Variants in ATL2 observed in about 807,000 individuals in gnomAD.
ATL2 encodes the protein atlastin-2.
ATL2 carries 31 observed loss-of-function variants against 73.9 expected under a neutral mutation model. The observed-to-expected ratio is 0.42, with a 90% CI of 0.32 to 0.57. The LOEUF is 0.57. ATL2 is among the 20% of genes least tolerant of loss of function. ATL2 has a pLI of 0.14. For synonymous variants in ATL2, 291 were observed against 237.5 expected (o/e 1.23, Z -2.07); for missense variants, 738 against 702.6 (o/e 1.05, Z -0.57).
chr2:38,316,130 C>CCGAAGAGA (rs1668013924), intron 4 of ATL2, among the ~76,000 whole-genome samples: 1 of 152,188 alleles, frequency 6.6e-6, no homozygotes, highest in Admixed American at 6.5e-5. Flanking sequence ...CAGGGTGACT[C>CCGAAGAGA]CGAAGAGAGA....
chr2:38,314,722 T>A, intron 5 of ATL2, 58 bp from the exon 6 acceptor site: 1 of 1,144,278 alleles, frequency 8.7e-7, no homozygotes, highest in Non-Finnish European at 1.3e-6. Flanking sequence ...AAGACATGTG[T>A]AAACCTGTTC....
At chr2:38,347,072 T>C (rs577247940) in intron 1 of ATL2, among the ~76,000 whole-genome samples, 78 of 152,348 alleles carry the variant, frequency 5.1e-4, no homozygotes, top group Admixed American at 1.3e-3. Flanking sequence ...TGAATATTTA[T>C]GTAAGTACTT....
intron 9 of ATL2, among the ~76,000 whole-genome samples, chr2:38,301,917 G>C (rs1233610856): frequency 1.3e-5 from 2 of 152,196 alleles, no homozygotes; most frequent in African/African-American, 2.4e-5. Flanking sequence ...ACAGCTCTGA[G>C]AGAGAGTCTT....
Position 38,298,403 on chromosome 2 carries a change from T to C in ATL2, c.1373A>G (p.Asn458Ser). 1 of 1,614,178 alleles carries C rather than the reference T, an allele frequency of 6.2e-7. No homozygotes were observed. The highest frequency in any genetic ancestry group is 8.5e-7 in the Non-Finnish European group (1 of 1,180,020). Residue 458 changes from asparagine (N) to serine (S), a missense_variant, in exon 12 of 13, where the codon AAT (asparagine) becomes AGT (serine). Physicochemically the swap from Asn to Ser is conservative, Grantham distance 46. Transcript: ENST00000378954. ...TTTGCCATCATTGTGCTTTATAAAA[T>C]TTGCATAGGTTTCTTCAATTTCAGC... ...LEAEIEETYA[N>S]FIKHNDGKNI...
intron 2 of ATL2, among the ~76,000 whole-genome samples, chr2:38,339,548 C>G (rs1410995196): frequency 1.3e-5 from 2 of 151,830 alleles, no homozygotes; most frequent in African/African-American, 4.8e-5. Flanking sequence ...AAAAATATGA[C>G]CTCTAATATT....
chr2:38,318,867 G>T lies in ATL2; in HGVS notation c.498+18C>A, dbSNP rs749990698. 4 of 1,609,000 alleles carry T rather than the reference G, an allele frequency of 2.5e-6. No individual in the cohort carries two copies. Among genetic ancestry groups the T allele is most frequent in the Non-Finnish European group, 8.5e-7 (1 of 1,177,978 alleles). On this transcript the variant is annotated intron_variant, in intron 3 of 12. Transcript: ENST00000378954. The stretch of plus-strand genomic sequence containing the variant: ...CCAAGAAAGAATACAGGGTAGAAAA[G>T]TATAAACAGAATTTTACTTTAGTTC...
intron 1 of ATL2, among the ~76,000 whole-genome samples, chr2:38,355,861 A>C (rs1670631864): frequency 6.6e-6 from 1 of 151,480 alleles, no homozygotes; most frequent in African/African-American, 2.4e-5. Context: ...CACCACGCCT[A>C]ATTTTTGTAT....
chr2:38,347,072 T>G (rs577247940), intron 1 of ATL2, among the ~76,000 whole-genome samples: 1 of 152,230 alleles, frequency 6.6e-6, no homozygotes, highest in African/African-American at 2.4e-5. Flanking sequence ...TGAATATTTA[T>G]GTAAGTACTT....
In ATL2 at chr2:38,295,955, GA is replaced by G. The variant is rs3217584; in HGVS notation, c.*38del. On this transcript the variant is annotated 3_prime_UTR_variant, in exon 13 of 13. Coordinates refer to ENST00000378954, the MANE Select transcript of ATL2 (RefSeq NM_001135673.4). ...TGAGTTCTCATTGTACAGCAAGCAT[GA>G]AAAAAAAAGAGAGTGGAGTCCGTGA... The G allele has an allele frequency of 3.1e-4, 433 of 1,405,772 alleles. 1 individual carries two copies. The highest frequency in any genetic ancestry group is 2.4e-3 in the African/African-American group (165 of 69,018). The allele number at this position is 1,405,772 out of a possible 1,614,324, so 87.1% of individuals were successfully genotyped here.
intron 8 of ATL2, 134 bp downstream of exon 8, chr2:38,310,175 C>A: frequency 2.0e-6 from 2 of 1,023,362 alleles, no homozygotes; most frequent in Non-Finnish European, 2.8e-6. Context: ...CAGAGCATTA[C>A]AACCACAACA....
intron 2 of ATL2, among the ~76,000 whole-genome samples, chr2:38,331,857 A>G (rs1669016217): frequency 6.6e-6 from 1 of 151,786 alleles, no homozygotes; most frequent in Admixed American, 6.6e-5. Flanking sequence ...AATATATTTT[A>G]TGTAATTAAC....
At chr2:38,320,432 A>G (rs375286575) in intron 2 of ATL2, among the ~76,000 whole-genome samples, 8 of 152,262 alleles carry the variant, frequency 5.3e-5, no homozygotes, top group East Asian at 1.9e-4. Flanking sequence ...CAAAATGTTG[A>G]CAAATACATT....
intron 1 of ATL2, among the ~76,000 whole-genome samples, chr2:38,354,972 GAAC>G (rs1425078027): frequency 3.9e-5 from 6 of 151,944 alleles, no homozygotes; most frequent in Non-Finnish European, 7.4e-5. Context: ...TAAAAAATAA[GAAC>G]AAAAGACAAA....
chr2:38,336,287 T>C (rs941185970), intron 2 of ATL2, among the ~76,000 whole-genome samples: 15 of 152,236 alleles, frequency 9.9e-5, no homozygotes, highest in Admixed American at 3.3e-4. Context: ...TTCTTAAAGA[T>C]AGTTTTTTAC....
intron 1 of ATL2, among the ~76,000 whole-genome samples, 198 bp downstream of exon 1, chr2:38,376,945 A>G (rs1672007832): frequency 1.3e-5 from 2 of 150,958 alleles, no homozygotes; most frequent in Admixed American, 6.6e-5. Context: ...GCGGCCCACG[A>G]GCCGCCCTTT....
chr2:38,374,152 A>G (rs1469515796), intron 1 of ATL2, among the ~76,000 whole-genome samples: 1 of 121,510 alleles, frequency 8.2e-6, no homozygotes, highest in Non-Finnish European at 1.5e-5. Context: ...CGGCCTCCGA[A>G]AAGTGCTGGG....
chr2:38,302,964 C>G (rs1667263633), intron 9 of ATL2, among the ~76,000 whole-genome samples: 1 of 152,120 alleles, frequency 6.6e-6, no homozygotes, highest in Non-Finnish European at 1.5e-5. Context: ...CATGACCTCA[C>G]TAAACAAACT....
chr2:38,304,283 G>A (rs752190825), intron 9 of ATL2, among the ~76,000 whole-genome samples: 1 of 152,148 alleles, frequency 6.6e-6, no homozygotes. Context: ...ATTTTTCCTA[G>A]AATAGTATAT....
At chr2:38,302,294 T>C (rs541653225) in intron 9 of ATL2, among the ~76,000 whole-genome samples, 1 of 151,882 alleles carries the variant, frequency 6.6e-6, no homozygotes, top group East Asian at 2.0e-4. Context: ...AGTCTCCTGC[T>C]TGAGTAAAGG....
Sources: allele counts gnomAD v4.1 joint callset (sites outside exome capture counted in the v4.1 genomes callset), GRCh38; gene constraint gnomAD v4.1.1; transcripts MANE v1.5; gene names NCBI Gene and HGNC (gene_info 2026-07-23, HGNC 2026-07-21).